ATP8A2: variants seen among roughly 807,000 people sequenced by gnomAD.
ATP8A2 encodes phospholipid-transporting ATPase IB.
ATP8A2 carries 100 observed loss-of-function variants against 165.6 expected under a neutral mutation model. The ratio of observed to expected loss-of-function variants is 0.60; its 90% CI spans 0.51 to 0.71. The LOEUF (loss-of-function observed/expected upper bound fraction) is 0.71. Ranked by LOEUF, ATP8A2 falls within the 30% of genes least tolerant of loss-of-function variation. ATP8A2 has a pLI of 0.00. For missense variants in ATP8A2, 1,227 were observed against 1,479.5 expected (o/e 0.83, Z 2.80); for synonymous variants, 543 against 548.8 (o/e 0.99, Z 0.15).
intron 25 of ATP8A2, among the ~76,000 whole-genome samples, chr13:25,759,345 C>T (rs939807997): frequency 6.6e-5 from 10 of 152,124 alleles, no homozygotes; most frequent in African/African-American, 1.9e-4. Flanking sequence ...AATTTTCAGC[C>T]GTGCATGAGC....
chr13:25,586,678 T>C (rs1161117676), intron 23 of ATP8A2, among the ~76,000 whole-genome samples: 1 of 152,204 alleles, frequency 6.6e-6, no homozygotes, highest in African/African-American at 2.4e-5. Flanking sequence ...GTTGGTACCA[T>C]GTTGAATCCT....
intron 1 of ATP8A2, among the ~76,000 whole-genome samples, chr13:25,460,031 A>G (rs594565): frequency 0.68 from 103,868 of 151,996 alleles, 35,927 homozygotes; most frequent in East Asian, 0.99. Flanking sequence ...GTGAAACTCC[A>G]TCTCTACAAA....
intron 33 of ATP8A2, among the ~76,000 whole-genome samples, chr13:25,876,192 C>T (rs997142853): frequency 6.6e-6 from 1 of 152,132 alleles, no homozygotes; most frequent in Non-Finnish European, 1.5e-5. Context: ...GGTGGGTGCT[C>T]CAAGGCCCGC....
intron 2 of ATP8A2, among the ~76,000 whole-genome samples, chr13:25,477,919 G>A (rs1445579631): frequency 6.6e-5 from 10 of 152,102 alleles, no homozygotes; most frequent in Non-Finnish European, 1.5e-4. Context: ...CCTGGGTGAC[G>A]AGAGTGAAAC....
intron 2 of ATP8A2, among the ~76,000 whole-genome samples, chr13:25,489,860 C>A (rs1355709418): frequency 6.6e-6 from 1 of 152,176 alleles, no homozygotes; most frequent in African/African-American, 2.4e-5. Context: ...GAGGTAAATG[C>A]TTTTAATGCC....
chr13:25,611,254 T>A (rs1406087246), intron 24 of ATP8A2, among the ~76,000 whole-genome samples: 1 of 152,000 alleles, frequency 6.6e-6, no homozygotes, highest in Non-Finnish European at 1.5e-5. Flanking sequence ...TCAACTTTTC[T>A]CCATTTGGTA....
At chr13:25,883,823 T>G (rs1566234983) in intron 33 of ATP8A2, among the ~76,000 whole-genome samples, 1 of 152,048 alleles carries the variant, frequency 6.6e-6, no homozygotes, top group Non-Finnish European at 1.5e-5. Flanking sequence ...TGATGTGGCC[T>G]GCGTGTGCAA....
Position 25,769,127 on chromosome 13 carries a change from C to T in ATP8A2, c.2466C>T (p.Gly822=), listed in dbSNP as rs764838044. 93 of 1,614,022 alleles carry T rather than the reference C, an allele frequency of 5.8e-5. No individual in the cohort carries two copies. Among genetic ancestry groups the T allele is most frequent in the Middle Eastern group, 1.6e-4 (1 of 6,084 alleles). ...CCATCACCCTCGCCATCGGAGACGGCGCCAACGATGTCGGGATGATCCAGA... is the reference window on the plus strand; with the variant it reads ...CCATCACCCTCGCCATCGGAGACGGTGCCAACGATGTCGGGATGATCCAGA... The part of the protein sequence containing the change: ...VKAITLAIGD[G]ANDVGMIQTA... Residue 822 remains glycine, a synonymous_variant, in exon 26 of 37, where the codon GGC becomes GGT. Coordinates refer to ENST00000381655, the MANE Select transcript of ATP8A2 (RefSeq NM_016529.6).
At chr13:25,519,680 T>TG (rs1299292381) in intron 2 of ATP8A2, among the ~76,000 whole-genome samples, 1 of 152,162 alleles carries the variant, frequency 6.6e-6, no homozygotes, top group Non-Finnish European at 1.5e-5. Context: ...TCTAAGGTCT[T>TG]GGGTTTCCAT....
At chr13:25,792,766 A>T (rs2045210742) in intron 27 of ATP8A2, among the ~76,000 whole-genome samples, 1 of 152,002 alleles carries the variant, frequency 6.6e-6, no homozygotes, top group Admixed American at 6.6e-5. Flanking sequence ...AAAGAAAGAA[A>T]AAAAATAGCC....
At chr13:25,379,806 T>C (rs996142330) in intron 1 of ATP8A2, among the ~76,000 whole-genome samples, 2 of 152,202 alleles carry the variant, frequency 1.3e-5, no homozygotes, top group African/African-American at 4.8e-5. Flanking sequence ...TACTCTGCTG[T>C]CCATTTGTGC....
At chr13:25,564,443 A>G (rs891898832) in intron 16 of ATP8A2, among the ~76,000 whole-genome samples, 1 of 152,230 alleles carries the variant, frequency 6.6e-6, no homozygotes, top group East Asian at 1.9e-4. Flanking sequence ...CATTTATTGC[A>G]TTCTACTGTG....
intron 25 of ATP8A2, among the ~76,000 whole-genome samples, chr13:25,751,632 C>G (rs9578919): frequency 6.6e-6 from 1 of 151,952 alleles, no homozygotes; most frequent in African/African-American, 2.4e-5. Context: ...GACAAGGTCT[C>G]GCTATGTTGC....
intron 33 of ATP8A2, among the ~76,000 whole-genome samples, chr13:25,870,390 A>G (rs765167212): frequency 1.1e-4 from 16 of 152,316 alleles, no homozygotes; most frequent in Middle Eastern, 3.4e-3. Context: ...CCCTGGACAC[A>G]GGCCTGGGGG....
chr13:25,721,056 A>G (rs2043370537), intron 25 of ATP8A2, among the ~76,000 whole-genome samples: 1 of 151,280 alleles, frequency 6.6e-6, no homozygotes, highest in Non-Finnish European at 1.5e-5. Context: ...CCTAGGCTCA[A>G]GTGATCCTCC....
intron 33 of ATP8A2, among the ~76,000 whole-genome samples, chr13:25,907,314 T>C (rs781734134): frequency 3.9e-5 from 6 of 152,094 alleles, no homozygotes; most frequent in South Asian, 2.1e-4. Context: ...ATCACGCCAG[T>C]GCACTCCAGC....
At chr13:25,526,143 G>T (rs2037834229) in intron 2 of ATP8A2, among the ~76,000 whole-genome samples, 1 of 151,724 alleles carries the variant, frequency 6.6e-6, no homozygotes, top group Non-Finnish European at 1.5e-5. Context: ...ATTTCTGTTT[G>T]TTTTTATTAC....
At chr13:25,781,623 G>A (rs954486269) in intron 27 of ATP8A2, among the ~76,000 whole-genome samples, 1 of 151,992 alleles carries the variant, frequency 6.6e-6, no homozygotes, top group Non-Finnish European at 1.5e-5. Context: ...CAAGTAACTG[G>A]AATTACAGGA....
chr13:25,763,413 T>G (rs1421289879), intron 25 of ATP8A2, among the ~76,000 whole-genome samples: 1 of 152,182 alleles, frequency 6.6e-6, no homozygotes, highest in Non-Finnish European at 1.5e-5. Context: ...CCTCGCCATG[T>G]GTAAGTTTTT....
Sources: allele counts gnomAD v4.1 joint callset (sites outside exome capture counted in the v4.1 genomes callset), GRCh38; gene constraint gnomAD v4.1.1; transcripts MANE v1.5; gene names NCBI Gene and HGNC (gene_info 2026-07-23, HGNC 2026-07-21).